NDUFS4: variants seen among roughly 807,000 people sequenced by gnomAD.
NDUFS4 encodes the protein NADH dehydrogenase [ubiquinone] iron-sulfur protein 4, mitochondrial.
Under a neutral mutation model 24.3 loss-of-function variants are expected in NDUFS4, and 28 were observed. The ratio of observed to expected loss-of-function variants is 1.15; its 90% CI spans 0.85 to 1.58. The LOEUF is 1.58. Ranked by LOEUF, NDUFS4 falls within the 40% of genes most tolerant of loss-of-function variation. NDUFS4 has a pLI of 0.00. For synonymous variants in NDUFS4, 93 were observed against 69.7 expected, an observed-to-expected ratio of 1.34 and a Z score of -1.67; for missense variants, 223 against 207.9, an observed-to-expected ratio of 1.07 and a Z score of -0.45.
intron 1 of NDUFS4, among the ~76,000 whole-genome samples, chr5:53,586,090 A>T (rs760102672): frequency 2.0e-5 from 3 of 152,022 alleles, no homozygotes; most frequent in Non-Finnish European, 2.9e-5. Flanking sequence ...GCACTTTCGG[A>T]GGCCGAGGCA....
chr5:53,670,422 A>G (rs1211077376), intron 4 of NDUFS4, among the ~76,000 whole-genome samples: 2 of 151,248 alleles, frequency 1.3e-5, no homozygotes, highest in Non-Finnish European at 1.5e-5. Flanking sequence ...CTGAATTTCA[A>G]AGACTTAGTA....
intron 2 of NDUFS4, among the ~76,000 whole-genome samples, chr5:53,605,361 T>C (rs1359169328): frequency 2.0e-5 from 3 of 152,222 alleles, no homozygotes; most frequent in Non-Finnish European, 2.9e-5. Context: ...GGAGGTTGCC[T>C]TTTCTATAAA....
At chr5:53,673,592 CTT>C (rs1740355807) in intron 4 of NDUFS4, among the ~76,000 whole-genome samples, 1 of 152,140 alleles carries the variant, frequency 6.6e-6, no homozygotes, top group South Asian at 2.1e-4. Context: ...AAGACATTCT[CTT>C]TCTCTTTCTG....
intron 1 of NDUFS4, among the ~76,000 whole-genome samples, chr5:53,570,858 AT>A (rs1342666080): frequency 1.3e-5 from 2 of 151,208 alleles, no homozygotes; most frequent in Admixed American, 6.6e-5. Context: ...TAATTTTTGT[AT>A]TTTTAGTAGA....
intron 4 of NDUFS4, among the ~76,000 whole-genome samples, chr5:53,664,807 G>T (rs540279606): frequency 6.6e-6 from 1 of 151,892 alleles, no homozygotes; most frequent in Non-Finnish European, 1.5e-5. Flanking sequence ...TAGTTTGATC[G>T]TCTGAAGCCT....
In NDUFS4 at chr5:53,625,659, T is replaced by C. The variant is rs578140920; in HGVS notation, c.178-20574T>C. Among the ~76,000 whole-genome samples the C allele has an allele frequency of 2.9e-4, 44 of 152,304 alleles. 1 individual carries two copies. In the South Asian group the frequency reaches 8.5e-3, roughly 29 times the overall value. On this transcript the variant is annotated intron_variant, in intron 2 of 4. Transcript: ENST00000296684. ...TATTAATCCCTTACAGTATTTATCA[T>C]TTTAGATACTATATTTTTCAGCTCT...
At chr5:53,637,572 A>G (rs1410692964) in intron 2 of NDUFS4, among the ~76,000 whole-genome samples, 3 of 152,174 alleles carry the variant, frequency 2.0e-5, no homozygotes, top group Non-Finnish European at 4.4e-5. Context: ...TTTTGTTTAT[A>G]AAAGTATACT....
chr5:53,580,435 A>G (rs937089270), intron 1 of NDUFS4, among the ~76,000 whole-genome samples: 6 of 152,148 alleles, frequency 3.9e-5, no homozygotes, highest in African/African-American at 1.2e-4. Context: ...AGAATTTCCA[A>G]AGATGATTTT....
Position 53,683,112 on chromosome 5 carries a change from T to A in NDUFS4, c.425-6T>A. 1 of 1,570,870 alleles carries A rather than the reference T, an allele frequency of 6.4e-7. No homozygotes were observed. The highest frequency in any genetic ancestry group is 8.8e-7 in the Non-Finnish European group (1 of 1,140,986). ...CTGTGGATTTGTCTTTGTTTTTTCC[T>A]CCTAGGATGGAGCTATGACATTGAA... On this transcript the variant is annotated splice_polypyrimidine_tract_variant and splice_region_variant and intron_variant, in intron 4 of 4. Transcript: ENST00000296684.
At chr5:53,664,590 C>CAA (rs1238549121) in intron 4 of NDUFS4, among the ~76,000 whole-genome samples, 2 of 152,096 alleles carry the variant, frequency 1.3e-5, no homozygotes, top group East Asian at 3.9e-4. Context: ...TTGATCTTGC[C>CAA]TCACTGATAC....
chr5:53,667,497 A>G (rs565342980), intron 4 of NDUFS4, among the ~76,000 whole-genome samples: 1 of 151,668 alleles, frequency 6.6e-6, no homozygotes, highest in South Asian at 2.1e-4. Context: ...AAAAAAAAAA[A>G]AAAAAAGGTG....
intron 1 of NDUFS4, among the ~76,000 whole-genome samples, chr5:53,590,092 T>G (rs1211598842): frequency 6.6e-6 from 1 of 152,182 alleles, no homozygotes; most frequent in East Asian, 1.9e-4. Flanking sequence ...TATAGAGAAT[T>G]ACGCATGATT....
chr5:53,626,282 A>G (rs1751222431), intron 2 of NDUFS4, among the ~76,000 whole-genome samples: 1 of 152,098 alleles, frequency 6.6e-6, no homozygotes, highest in African/African-American at 2.4e-5. Flanking sequence ...TATCCAGTCT[A>G]TCATTGATGG....
chr5:53,667,275 G>A (rs952050595), intron 4 of NDUFS4, among the ~76,000 whole-genome samples: 15 of 152,196 alleles, frequency 9.9e-5, no homozygotes, highest in African/African-American at 3.4e-4. Flanking sequence ...AGATCAGCCT[G>A]ACCAACATGG....
intron 2 of NDUFS4, among the ~76,000 whole-genome samples, chr5:53,638,955 T>C (rs191619706): frequency 1.2e-3 from 188 of 152,188 alleles, no homozygotes; most frequent in African/African-American, 4.5e-3. Context: ...ATAAGATTTT[T>C]TTCCCCCAAG....
Position 53,622,829 on chromosome 5 carries a change from C to T in NDUFS4, c.177+19299C>T, listed in dbSNP as rs116043666. ...GTTAAGTAATCATCACCACTATTTC[C>T]GGAGCTTTTTCATCATCCCGAATAG... On this transcript the variant is annotated intron_variant, in intron 2 of 4. Transcript: ENST00000296684. Among the ~76,000 whole-genome samples, 307 of 152,200 alleles carry T rather than the reference C, an allele frequency of 2.0e-3. 1 individual carries two copies. Among genetic ancestry groups the T allele is most frequent in the African/African-American group, 6.6e-3 (276 of 41,528 alleles).
chr5:53,577,482 ATT>A (rs34395834), intron 1 of NDUFS4, among the ~76,000 whole-genome samples: 15,646 of 146,522 alleles, frequency 0.11, 855 homozygotes, highest in Middle Eastern at 0.14. Flanking sequence ...ATAGTCTGCT[ATT>A]TTTTTTTTTT....
chr5:53,666,564 G>C (rs1321692113), intron 4 of NDUFS4, among the ~76,000 whole-genome samples: 1 of 152,164 alleles, frequency 6.6e-6, no homozygotes, highest in Admixed American at 6.5e-5. Context: ...ACTGCTATGT[G>C]CCTAGCACCT....
At chr5:53,683,019 A>G in intron 4 of NDUFS4, 99 bp from the exon 5 acceptor site, 1 of 824,046 alleles carries the variant, frequency 1.2e-6, no homozygotes, top group East Asian at 2.4e-5. Context: ...ATAAATGAAC[A>G]TTAAGTTAAG....
Sources: allele counts gnomAD v4.1 joint callset (sites outside exome capture counted in the v4.1 genomes callset), GRCh38; gene constraint gnomAD v4.1.1; transcripts MANE v1.5; gene names NCBI Gene and HGNC (gene_info 2026-07-23, HGNC 2026-07-21).